ACYP2: variants seen among roughly 807,000 people sequenced by gnomAD.
The protein encoded by ACYP2 is acylphosphatase-2.
Under a neutral mutation model 11.2 loss-of-function variants are expected in ACYP2, and 12 were observed. The observed-to-expected ratio is 1.08, with a 90% CI of 0.69 to 1.74. The LOEUF (loss-of-function observed/expected upper bound fraction) is 1.74, where lower values mean the gene tolerates loss of function less well. Among genes scored for constraint, ACYP2 ranks in the 40% most tolerant of loss-of-function variants. The pLI is 0.00. For missense variants in ACYP2, 134 were observed against 101.9 expected (o/e 1.31, Z -1.35); for synonymous variants, 43 against 32.2 (o/e 1.33, Z -1.13).
chr2:54,154,724 C>G (rs185161587), intron 6 of ACYP2, among the ~76,000 whole-genome samples: 1 of 152,112 alleles, frequency 6.6e-6, no homozygotes, highest in Non-Finnish European at 1.5e-5. Flanking sequence ...GGATATTGGC[C>G]TGTAATTTTC....
intron 4 of ACYP2, among the ~76,000 whole-genome samples, chr2:54,101,736 T>G (rs905099441): frequency 1.3e-5 from 2 of 152,124 alleles, no homozygotes; most frequent in African/African-American, 2.4e-5. Context: ...CCTTCTTTCT[T>G]TCTTTCCTCC....
chr2:54,263,351 C>A (rs1015517459), intron 6 of ACYP2, among the ~76,000 whole-genome samples: 7 of 152,168 alleles, frequency 4.6e-5, no homozygotes, highest in Non-Finnish European at 7.3e-5. Context: ...AGAAGCTGCC[C>A]CCATGATCCA....
chr2:54,203,670 C>A (rs1235487887), intron 6 of ACYP2, among the ~76,000 whole-genome samples: 1 of 152,112 alleles, frequency 6.6e-6, no homozygotes, highest in Non-Finnish European at 1.5e-5. Flanking sequence ...TGAAAGGGTG[C>A]TAGATTTTGT....
rs1045138688 is a variant in ACYP2 at position 54,115,882 on chromosome 2, A to T, written c.278-19571A>T. On this transcript the variant is annotated intron_variant, in intron 4 of 6. Coordinates refer to ENST00000607452, the MANE Select transcript of ACYP2 (RefSeq NM_001320586.2). ...TGGCTGGGACTTCCGCTCCGCCATG[A>T]CACAGCAGCGGCGGCGGGGAGGGAG... The T allele has an allele frequency of 3.3e-6, 4 of 1,215,542 alleles. No homozygotes were observed. The African/African-American group carries it at 6.2e-5, about 19-fold the overall frequency. The allele number at this position is 1,215,542 out of a possible 1,614,324, so 75.3% of individuals were successfully genotyped here. A position where few individuals can be genotyped will look rare whatever the true frequency, so the allele number is the denominator to read the frequency against.
chr2:54,063,808 A>G (rs1254324593), intron 4 of ACYP2, among the ~76,000 whole-genome samples: 1 of 152,128 alleles, frequency 6.6e-6, no homozygotes, highest in Non-Finnish European at 1.5e-5. Context: ...TTTTCCTGCC[A>G]GGACCCTGAC....
intron 3 of ACYP2, among the ~76,000 whole-genome samples, chr2:54,056,070 G>A (rs950752053): frequency 1.3e-5 from 2 of 152,076 alleles, no homozygotes; most frequent in African/African-American, 2.4e-5. Context: ...TGCTTTTTCT[G>A]GATTAATGTA....
chr2:54,275,074 G>GA (rs34214502), intron 6 of ACYP2, among the ~76,000 whole-genome samples: 8 of 151,768 alleles, frequency 5.3e-5, no homozygotes, highest in East Asian at 3.9e-4. Context: ...TATAAAAGAA[G>GA]AAAAAAAACC....
intron 4 of ACYP2, among the ~76,000 whole-genome samples, chr2:54,058,195 A>G (rs1327478177): frequency 6.6e-6 from 1 of 152,050 alleles, no homozygotes; most frequent in African/African-American, 2.4e-5. Context: ...CTAAAATGTG[A>G]ATAAGCTCTG....
chr2:54,085,073 T>A (rs976686579), intron 4 of ACYP2: 6 of 152,228 alleles, frequency 3.9e-5, no homozygotes, highest in African/African-American at 1.4e-4. Context: ...CAAATAAGTC[T>A]CTTTGTTCAA....
rs1203130787 is a variant in ACYP2, at chr2:54,201,612, C to CT, written c.404+62867dup. Among the ~76,000 whole-genome samples the CT allele has an allele frequency of 1.4e-3, 107 of 77,778 alleles. 1 individual carries two copies. Among genetic ancestry groups the CT allele is most frequent in the African/African-American group, 4.3e-3 (88 of 20,620 alleles). 51.0% of individuals were successfully genotyped at this position (77,778 alleles called of 152,430 possible). On this transcript the variant is annotated intron_variant, in intron 6 of 6. Coordinates refer to ENST00000607452, the MANE Select transcript of ACYP2 (RefSeq NM_001320586.2). ...TTTCTTTCTCTTTCTTTCTTTCTTT[C>CT]TTTCTTTCTTTGTTTCTTTCTTTCT...
intron 4 of ACYP2, among the ~76,000 whole-genome samples, chr2:54,078,313 C>T (rs1195441368): frequency 1.3e-5 from 2 of 151,212 alleles, no homozygotes; most frequent in African/African-American, 2.4e-5. Flanking sequence ...GATGCTAGGA[C>T]AGCCATCTAC....
At chr2:54,132,633 T>C (rs576797055) in intron 4 of ACYP2, among the ~76,000 whole-genome samples, 19 of 152,208 alleles carry the variant, frequency 1.2e-4, no homozygotes, top group Non-Finnish European at 2.6e-4. Flanking sequence ...TCTTTGGAGA[T>C]TGATCCATCC....
At chr2:54,271,132 T>C (rs754566770) in intron 6 of ACYP2, among the ~76,000 whole-genome samples, 1 of 152,246 alleles carries the variant, frequency 6.6e-6, no homozygotes, top group African/African-American at 2.4e-5. Context: ...ATTTAGTTTA[T>C]AGTTTGACTT....
chr2:54,196,093 C>T (rs781385728), intron 6 of ACYP2, among the ~76,000 whole-genome samples: 4 of 152,046 alleles, frequency 2.6e-5, no homozygotes, highest in Admixed American at 6.6e-5. Flanking sequence ...CCACCATGCC[C>T]GGCCCACATT....
In ACYP2 at chr2:54,256,316, C is replaced by T. The variant is rs187792038; in HGVS notation, c.405-48372C>T. ...TCTCGCGACACTCACTCCTCAGTCT[C>T]GCGAGTCTGTGGTGGTGTCTTTACG... On this transcript the variant is annotated intron_variant, in intron 6 of 6. Transcript: ENST00000607452. 146 of 692,612 alleles carry T rather than the reference C, an allele frequency of 2.1e-4. 1 individual carries two copies. The East Asian group carries it at 2.4e-3, about 11-fold the overall frequency. The allele number at this position is 692,612 out of a possible 1,614,324, so 42.9% of individuals were successfully genotyped here. A position where few individuals can be genotyped will look rare whatever the true frequency, so the allele number is the denominator to read the frequency against.
At chr2:54,114,088 C>G (rs1679604672) in intron 4 of ACYP2, among the ~76,000 whole-genome samples, 1 of 151,914 alleles carries the variant, frequency 6.6e-6, no homozygotes, top group Non-Finnish European at 1.5e-5. Flanking sequence ...TTGGTGTTCT[C>G]TAATAGAATT....
chr2:54,303,182 T>C (rs1689793136), intron 6 of ACYP2, among the ~76,000 whole-genome samples: 1 of 152,114 alleles, frequency 6.6e-6, no homozygotes, highest in Non-Finnish European at 1.5e-5. Context: ...AGATCTTGTC[T>C]CTACTAAAAT....
chr2:54,182,620 G>C (rs1683793610), intron 6 of ACYP2, among the ~76,000 whole-genome samples: 1 of 152,168 alleles, frequency 6.6e-6, no homozygotes, highest in South Asian at 2.1e-4. Flanking sequence ...TTACAGGTGT[G>C]AGTGACCATT....
intron 6 of ACYP2, among the ~76,000 whole-genome samples, chr2:54,169,814 C>T (rs959585538): frequency 6.6e-6 from 1 of 152,056 alleles, no homozygotes; most frequent in Non-Finnish European, 1.5e-5. Context: ...ATTTAAAAAC[C>T]AGCAACTACT....
Sources: allele counts gnomAD v4.1 joint callset (sites outside exome capture counted in the v4.1 genomes callset), GRCh38; gene constraint gnomAD v4.1.1; transcripts MANE v1.5; gene names NCBI Gene and HGNC (gene_info 2026-07-23, HGNC 2026-07-21).